The following XKR9 variants were observed in gnomAD, a reference collection of about 807,000 sequenced individuals.
XKR9 encodes the protein XK-related protein 9.
XKR9 carries 32 observed loss-of-function variants against 32.0 expected under a neutral mutation model. The ratio of observed to expected loss-of-function variants is 1.00; its 90% CI spans 0.76 to 1.34. The LOEUF is 1.34. Among genes scored for constraint, XKR9 ranks in the 40% most tolerant of loss-of-function variants. XKR9 has a pLI of 0.00. For missense variants in XKR9, 546 were observed against 429.7 expected (o/e 1.27, Z -2.39); for synonymous variants, 168 against 143.4 (o/e 1.17, Z -1.22).
chr8:70,922,701 A>G, the XKR9 span, among the ~76,000 whole-genome samples: 1 of 152,228 alleles, frequency 6.6e-6, no homozygotes, highest in Non-Finnish European at 1.5e-5. Context: ...ACAGGGACAG[A>G]GGGATCTCTC....
the XKR9 span, among the ~76,000 whole-genome samples, chr8:71,020,318 T>C: frequency 1.3e-5 from 2 of 152,194 alleles, no homozygotes; most frequent in African/African-American, 4.8e-5. Context: ...AGAAAAACTG[T>C]TCCATAACCA....
At chr8:70,947,522 G>A in the XKR9 span, among the ~76,000 whole-genome samples, 1 of 152,156 alleles carries the variant, frequency 6.6e-6, no homozygotes, top group Non-Finnish European at 1.5e-5. Context: ...TTGCAAAAAG[G>A]CATTTCAATC....
intron 2 of XKR9, among the ~76,000 whole-genome samples, chr8:70,741,158 C>G (rs1391558166): frequency 2.6e-5 from 4 of 152,206 alleles, no homozygotes; most frequent in South Asian, 2.1e-4. Flanking sequence ...TTTACCTAAG[C>G]AAGCCTGGGC....
the XKR9 span, among the ~76,000 whole-genome samples, chr8:70,809,600 G>A: frequency 1.3e-5 from 2 of 152,190 alleles, no homozygotes; most frequent in Non-Finnish European, 2.9e-5. Flanking sequence ...AGTCCTTAAA[G>A]GACCTGATGG....
At chr8:70,711,896 G>A (rs1163740783) in intron 4 of XKR9, among the ~76,000 whole-genome samples, 1 of 130,816 alleles carries the variant, frequency 7.6e-6, no homozygotes, top group Non-Finnish European at 1.7e-5. Context: ...TCACTACCTG[G>A]GTGAGGAAAT....
the XKR9 span, among the ~76,000 whole-genome samples, chr8:70,884,193 GT>G: frequency 1.3e-5 from 2 of 151,966 alleles, no homozygotes; most frequent in Non-Finnish European, 2.9e-5. Flanking sequence ...TTGGTGATGT[GT>G]TTTTTCAGAT....
At chr8:70,894,182 T>A in the XKR9 span, among the ~76,000 whole-genome samples, 1 of 151,860 alleles carries the variant, frequency 6.6e-6, no homozygotes, top group Non-Finnish European at 1.5e-5. Context: ...TGAGTCACTG[T>A]GTAGTAGTGA....
the XKR9 span, among the ~76,000 whole-genome samples, chr8:71,022,543 G>A: frequency 6.6e-6 from 1 of 152,114 alleles, no homozygotes; most frequent in Admixed American, 6.6e-5. Flanking sequence ...GCTGTTTTCA[G>A]AATTCTCTCT....
the XKR9 span, among the ~76,000 whole-genome samples, chr8:70,940,574 GATA>G: frequency 1.3e-5 from 2 of 152,006 alleles, no homozygotes; most frequent in African/African-American, 2.4e-5. Context: ...TTACAAAGAA[GATA>G]ATAAATGCTG....
chr8:70,827,810 T>G, the XKR9 span, among the ~76,000 whole-genome samples: 1 of 152,214 alleles, frequency 6.6e-6, no homozygotes, highest in African/African-American at 2.4e-5. Context: ...GAAAATATAC[T>G]AAGAAAGAAA....
At chr8:70,857,800 G>T in the XKR9 span, among the ~76,000 whole-genome samples, 1 of 152,154 alleles carries the variant, frequency 6.6e-6, no homozygotes, top group Non-Finnish European at 1.5e-5. Flanking sequence ...AGGATGCAAG[G>T]CTGGTTCAAC....
the XKR9 span, among the ~76,000 whole-genome samples, chr8:70,820,868 T>C: frequency 1.4e-3 from 219 of 152,290 alleles, 1 homozygote; most frequent in East Asian, 6.2e-3. Flanking sequence ...TAATTCCTGA[T>C]AATATTTGGG....
chr8:71,054,946 G>A, the XKR9 span, among the ~76,000 whole-genome samples: 1 of 152,106 alleles, frequency 6.6e-6, no homozygotes, highest in East Asian at 1.9e-4. Flanking sequence ...AGGAATTAAT[G>A]CTATATTTGG....
At chr8:71,003,511 G>A in the XKR9 span, among the ~76,000 whole-genome samples, 1 of 151,768 alleles carries the variant, frequency 6.6e-6, no homozygotes, top group Non-Finnish European at 1.5e-5. Flanking sequence ...CTCTAGTAAA[G>A]TAATGGATCT....
At chr8:70,935,207 A>ACACACC in the XKR9 span, among the ~76,000 whole-genome samples, 6 of 12,494 alleles carry the variant, frequency 4.8e-4, no homozygotes, top group Non-Finnish European at 8.4e-4. Context: ...ATATACATAT[A>ACACACC]TACACACACA....
chr8:70,754,297 T>G lies in XKR9; in HGVS notation n.353-35042T>G, dbSNP rs13262858. On this transcript the variant is annotated intron_variant and non_coding_transcript_variant, in intron 2 of 3. Coordinates refer to the XKR9 transcript ENST00000520273. ...AACAAATGGGAGAACATTCCATGCT[T>G]ATGGATAGGAAGAATCAATATCGTG... Among the ~76,000 whole-genome samples, 4 of 144,864 alleles carry G rather than the reference T, an allele frequency of 2.8e-5. 2 individuals carry two copies. Among genetic ancestry groups the G allele is most frequent in the East Asian group, 4.4e-4 (2 of 4,578 alleles).
the XKR9 span, among the ~76,000 whole-genome samples, chr8:70,883,742 C>G: frequency 1.3e-5 from 2 of 151,914 alleles, no homozygotes; most frequent in Non-Finnish European, 2.9e-5. Flanking sequence ...GAATAATATT[C>G]CATTGTCTAG....
the XKR9 span, among the ~76,000 whole-genome samples, chr8:70,946,884 G>A: frequency 6.6e-6 from 1 of 152,168 alleles, no homozygotes; most frequent in Non-Finnish European, 1.5e-5. Flanking sequence ...TTGAGAATGG[G>A]ATATGGGACC....
At chr8:70,937,733 T>G in the XKR9 span, among the ~76,000 whole-genome samples, 1 of 152,150 alleles carries the variant, frequency 6.6e-6, no homozygotes, top group African/African-American at 2.4e-5. Flanking sequence ...ACCATAAAGT[T>G]AATAAGTAGG....
Sources: gnomAD v4.1 joint callset for allele counts (sites outside exome capture counted in the v4.1 genomes callset) on GRCh38, gnomAD v4.1.1 for gene constraint, MANE v1.5 for transcripts, NCBI Gene and HGNC (gene_info 2026-07-23, HGNC 2026-07-21) for gene names.